Variants in FAM200B observed in about 807,000 individuals in gnomAD.
FAM200B encodes protein FAM200B.
Under a neutral mutation model 33.1 loss-of-function variants are expected in FAM200B, and 32 were observed. The observed-to-expected ratio is 0.97, with a 90% CI of 0.73 to 1.30. The LOEUF (loss-of-function observed/expected upper bound fraction) is 1.30, where lower values mean the gene tolerates loss of function less well. Ranked by LOEUF, FAM200B falls within the 50% of genes most tolerant of loss-of-function variation. The pLI is 0.00. For synonymous variants in FAM200B, 240 were observed against 264.8 expected (o/e 0.91, Z 0.91); for missense variants, 741 against 754.0 (o/e 0.98, Z 0.20).
chr4:15,657,112 C>A, the FAM200B span, among the ~76,000 whole-genome samples: 36,810 of 152,096 alleles, frequency 0.24, 4,698 homozygotes, highest in African/African-American at 0.28. Context: ...CGTTCTTTTG[C>A]CAGGACTTTG....
the FAM200B span, among the ~76,000 whole-genome samples, chr4:15,666,262 G>A: frequency 8.3e-3 from 1,264 of 152,190 alleles, 15 homozygotes; most frequent in African/African-American, 0.029. Context: ...AGCCAGGTAT[G>A]GTGGTGCATG....
At chr4:15,672,696 C>T in the FAM200B span, among the ~76,000 whole-genome samples, 2 of 152,192 alleles carry the variant, frequency 1.3e-5, no homozygotes, top group East Asian at 1.9e-4. Context: ...TATTATAACA[C>T]TACTGTAGAC....
chr4:15,674,865 G>T, the FAM200B span, among the ~76,000 whole-genome samples: 1 of 152,136 alleles, frequency 6.6e-6, no homozygotes. Flanking sequence ...TAGCCAGGAT[G>T]GTCTCGATCT....
At chr4:15,677,638 G>A (rs1376754313), upstream of FAM200B, among the ~76,000 whole-genome samples, 5 of 152,156 alleles carry the variant, frequency 3.3e-5, no homozygotes, top group African/African-American at 1.2e-4. Context: ...TAATGTGCTG[G>A]GAGGGTGGCA....
rs1247575508 is a variant in FAM200B at position 15,686,907 on chromosome 4, AT to A, written c.-64del. ...TGAAAAGATGTTATTTAGACTGTATATTTTTTTCTTCTTTTTTGAGTTAGTG... is the reference window on the plus strand; with the variant it reads ...TGAAAAGATGTTATTTAGACTGTATATTTTTTCTTCTTTTTTGAGTTAGTG... On this transcript the variant is annotated 5_prime_UTR_variant, in exon 2 of 2. An upstream open reading frame in the 5' UTR gains an earlier in-frame stop. Coordinates refer to ENST00000422728, the MANE Select transcript of FAM200B (RefSeq NM_001145191.2). 26 of 782,440 alleles carry A rather than the reference AT, an allele frequency of 3.3e-5. No individual in the cohort carries two copies. Among genetic ancestry groups the A allele is most frequent in the Non-Finnish European group, 4.8e-5 (25 of 521,448 alleles). 48.5% of individuals were successfully genotyped at this position (782,440 alleles called of 1,614,324 possible).
chr4:15,645,617 T>TG, the FAM200B span, among the ~76,000 whole-genome samples: 4 of 152,160 alleles, frequency 2.6e-5, no homozygotes, highest in East Asian at 3.9e-4. Context: ...TTAGCAGAGA[T>TG]GGGGTTTCAC....
chr4:15,653,569 C>G, the FAM200B span, among the ~76,000 whole-genome samples: 1 of 152,140 alleles, frequency 6.6e-6, no homozygotes, highest in East Asian at 1.9e-4. Flanking sequence ...CCTAGGCTAC[C>G]TCTCCACAGT....
the FAM200B span, among the ~76,000 whole-genome samples, chr4:15,663,284 T>C: frequency 8.5e-5 from 13 of 152,224 alleles, no homozygotes; most frequent in Non-Finnish European, 1.6e-4. Context: ...GCATGGGACA[T>C]AGTAGCCATT....
Position 15,686,919 on chromosome 4 carries a change from T to A in FAM200B, c.-59T>A. On this transcript the variant is annotated 5_prime_UTR_variant, in exon 2 of 2. Coordinates refer to ENST00000422728, the MANE Select transcript of FAM200B (RefSeq NM_001145191.2). Reference sequence around the variant, plus strand: ...ATTTAGACTGTATATTTTTTTCTTCTTTTTTGAGTTAGTGCCAATTATAAC... The same window carrying A: ...ATTTAGACTGTATATTTTTTTCTTCATTTTTGAGTTAGTGCCAATTATAAC... 1.1e-6 allele frequency: 1 copy of A among 906,102 alleles called. No individual in the cohort carries two copies. The highest frequency in any genetic ancestry group is 1.6e-6 in the Non-Finnish European group (1 of 634,094). 56.1% of individuals were successfully genotyped at this position (906,102 alleles called of 1,614,324 possible). A position where few individuals can be genotyped will look rare whatever the true frequency, so the allele number is the denominator to read the frequency against.
chr4:15,685,426 T>C (rs541213727), intron 1 of FAM200B, among the ~76,000 whole-genome samples: 1 of 152,254 alleles, frequency 6.6e-6, no homozygotes, highest in Admixed American at 6.5e-5. Context: ...ATTGGCTAGT[T>C]GAAATAATTT....
Position 15,688,902 on chromosome 4 carries a change from G to A in FAM200B, c.1925G>A (p.Cys642Tyr). 6.5e-7 allele frequency: 1 copy of A among 1,546,752 alleles called. No homozygotes were observed. Among genetic ancestry groups the A allele is most frequent in the Non-Finnish European group, 8.7e-7 (1 of 1,144,056 alleles). ...GTTATGCGGGTAGCATTATCTTCCT[G>A]TGTTCCAGACTGGAATGAACTTATG... ...AAVMRVALSS[C>Y]VPDWNELMNR... The change falls in exon 2 of 2, where the codon TGT (cysteine) becomes TAT (tyrosine). Residue 642 changes from cysteine (C) to tyrosine (Y), a missense_variant. Physicochemically the swap from Cys to Tyr is radical, Grantham distance 194. Coordinates refer to ENST00000422728, the MANE Select transcript of FAM200B (RefSeq NM_001145191.2).
chr4:15,665,229 G>A, the FAM200B span, among the ~76,000 whole-genome samples: 4 of 152,048 alleles, frequency 2.6e-5, no homozygotes, highest in African/African-American at 9.7e-5. Context: ...GGTTCCAGTG[G>A]CGGGTTGTTT....
At chr4:15,654,049 T>C in the FAM200B span, among the ~76,000 whole-genome samples, 2 of 152,226 alleles carry the variant, frequency 1.3e-5, no homozygotes, top group African/African-American at 4.8e-5. Context: ...GTGCTAAGAT[T>C]TGAAATTCAA....
the FAM200B span, among the ~76,000 whole-genome samples, chr4:15,655,982 G>A: frequency 6.6e-6 from 1 of 152,212 alleles, no homozygotes; most frequent in Non-Finnish European, 1.5e-5. Flanking sequence ...TGGGTGCGAG[G>A]GGCGGGGCAG....
At chr4:15,638,272 C>A in the FAM200B span, among the ~76,000 whole-genome samples, 1 of 152,132 alleles carries the variant, frequency 6.6e-6, no homozygotes, top group African/African-American at 2.4e-5. Flanking sequence ...TAAATTTATT[C>A]AAGAAACACT....
At chr4:15,662,506 A>G in the FAM200B span, among the ~76,000 whole-genome samples, 300 of 152,306 alleles carry the variant, frequency 2.0e-3, 5 homozygotes, top group Non-Finnish European at 8.8e-4. Flanking sequence ...ATATTGCTAT[A>G]TACATTAAAT....
chr4:15,668,970 C>T, the FAM200B span, among the ~76,000 whole-genome samples: 1 of 152,204 alleles, frequency 6.6e-6, no homozygotes, highest in African/African-American at 2.4e-5. Context: ...TACTATAAGT[C>T]TGTACAGACT....
At chr4:15,680,617 A>T (rs1486432963), upstream of FAM200B, among the ~76,000 whole-genome samples, 2 of 152,108 alleles carry the variant, frequency 1.3e-5, no homozygotes, top group Non-Finnish European at 2.9e-5. Flanking sequence ...CTGAGGTTGC[A>T]GTGAGCCGAG....
the FAM200B span, among the ~76,000 whole-genome samples, chr4:15,665,343 T>C: frequency 6.6e-6 from 1 of 152,124 alleles, no homozygotes. Context: ...CAAGGCAAAC[T>C]TGAGGTACAG....
Sources: gnomAD v4.1 joint callset for allele counts (sites outside exome capture counted in the v4.1 genomes callset) on GRCh38, gnomAD v4.1.1 for gene constraint, MANE v1.5 for transcripts, NCBI Gene and HGNC (gene_info 2026-07-23, HGNC 2026-07-21) for gene names.